Variants in NEK7 observed in about 807,000 individuals in gnomAD.
NEK7 encodes the protein NIMA related kinase 7.
Under a neutral mutation model 44.6 loss-of-function variants are expected in NEK7, and 18 were observed. The observed-to-expected ratio is 0.40, with a 90% CI of 0.28 to 0.60. The LOEUF is 0.60. Among genes scored for constraint, NEK7 ranks in the 20% least tolerant of loss-of-function variants. The pLI is 0.38. For synonymous variants in NEK7, 130 were observed against 121.1 expected (o/e 1.07, Z -0.48); for missense variants, 256 against 366.5 (o/e 0.70, Z 2.46).
chr1:198,198,679 C>G (rs920039418), intron 1 of NEK7, among the ~76,000 whole-genome samples: 2 of 152,214 alleles, frequency 1.3e-5, no homozygotes, highest in African/African-American at 4.8e-5. Flanking sequence ...ATTCTCAGCT[C>G]TTTCTGCTTT....
chr1:198,311,789 CA>C (rs1479522376), intron 9 of NEK7, among the ~76,000 whole-genome samples: 1 of 152,070 alleles, frequency 6.6e-6, no homozygotes, highest in Non-Finnish European at 1.5e-5. Context: ...GGATGAAGCC[CA>C]CTTGATCATG....
chr1:198,251,764 C>T (rs1264180747), intron 2 of NEK7, among the ~76,000 whole-genome samples: 1 of 151,876 alleles, frequency 6.6e-6, no homozygotes, highest in East Asian at 1.9e-4. Context: ...ATTCTTCTCT[C>T]TTTTCTTCTT....
rs548805329 is a variant in NEK7 at position 198,316,773 on chromosome 1, T to G, written c.799-2639T>G. 4.6e-5 allele frequency among the ~76,000 whole-genome samples: 7 copies of G among 152,270 alleles called. No homozygotes were observed. In the South Asian group the frequency reaches 1.5e-3, roughly 32 times the overall value. On this transcript the variant is annotated intron_variant, in intron 9 of 9. Transcript: ENST00000367385. Reference sequence around the variant, plus strand: ...ATAATAAATACTCCATTGGAAACTATTGAATGAACAATTGAATGAACGGAT... The same window carrying G: ...ATAATAAATACTCCATTGGAAACTAGTGAATGAACAATTGAATGAACGGAT...
intron 4 of NEK7, among the ~76,000 whole-genome samples, chr1:198,262,842 G>A (rs1277262630): frequency 1.3e-5 from 2 of 151,702 alleles, no homozygotes; most frequent in Non-Finnish European, 3.0e-5. Context: ...AACATTTGTA[G>A]GACCAGCTTT....
At chr1:198,180,198 TG>T (rs927903306) in intron 1 of NEK7, among the ~76,000 whole-genome samples, 3 of 150,496 alleles carry the variant, frequency 2.0e-5, no homozygotes, top group African/African-American at 7.3e-5. Flanking sequence ...TTTTTTTTGG[TG>T]GGGGGGTGCT....
chr1:198,181,847 C>A (rs1260649448), intron 1 of NEK7, among the ~76,000 whole-genome samples: 1 of 151,932 alleles, frequency 6.6e-6, no homozygotes, highest in African/African-American at 2.4e-5. Context: ...CAGAGTAAAG[C>A]AAATCATTTC....
At chr1:198,182,091 A>G (rs1259681911) in intron 1 of NEK7, among the ~76,000 whole-genome samples, 2 of 152,126 alleles carry the variant, frequency 1.3e-5, no homozygotes. Flanking sequence ...AATAATAAAA[A>G]AGGTAGGCAA....
chr1:198,194,972 C>T (rs955871606), intron 1 of NEK7, among the ~76,000 whole-genome samples: 5 of 152,118 alleles, frequency 3.3e-5, no homozygotes, highest in Non-Finnish European at 7.4e-5. Flanking sequence ...ACCTTGCCAG[C>T]ACCTGTTATT....
intron 1 of NEK7, among the ~76,000 whole-genome samples, chr1:198,179,709 T>C (rs770224512): frequency 9.9e-5 from 15 of 152,108 alleles, no homozygotes; most frequent in Admixed American, 2.6e-4. Flanking sequence ...TATCCTTCAA[T>C]TGTGGCTTTA....
rs575724620 is a variant in NEK7 at position 198,256,362 on chromosome 1, G to A, written c.198+3182G>A. On this transcript the variant is annotated intron_variant, in intron 3 of 9. Transcript: ENST00000367385. ...TTACCTGTATGGGAAAGAAGAGTGT[G>A]TGCGCTAAATGCATGTTACTTCTTG... is the stretch of plus-strand genomic sequence containing the variant. The A allele has an allele frequency of 1.4e-5, 22 of 1,611,722 alleles. No individual in the cohort carries two copies. In the East Asian group the frequency reaches 4.5e-4, roughly 33 times the overall value.
intron 1 of NEK7, among the ~76,000 whole-genome samples, chr1:198,228,010 T>A (rs1666278807): frequency 1.3e-5 from 2 of 152,214 alleles, no homozygotes; most frequent in South Asian, 4.1e-4. Context: ...AGGTCTAACA[T>A]TTAAGTCTTT....
chr1:198,299,851 TG>T, intron 9 of NEK7, among the ~76,000 whole-genome samples: 1 of 152,174 alleles, frequency 6.6e-6, no homozygotes, highest in South Asian at 2.1e-4. Context: ...TTTAAAAGCT[TG>T]GGATTTTTCT....
intron 1 of NEK7, among the ~76,000 whole-genome samples, chr1:198,180,394 T>A (rs960618207): frequency 1.3e-5 from 2 of 152,072 alleles, no homozygotes; most frequent in African/African-American, 4.8e-5. Flanking sequence ...TATAGCTAGA[T>A]GAAAATATGA....
chr1:198,255,054 G>A (rs1178555085), intron 3 of NEK7, among the ~76,000 whole-genome samples: 1 of 152,078 alleles, frequency 6.6e-6, no homozygotes. Flanking sequence ...TAAACCCTGT[G>A]GCATGGGTTC....
At chr1:198,176,293 A>C (rs1433469276) in intron 1 of NEK7, among the ~76,000 whole-genome samples, 1 of 152,186 alleles carries the variant, frequency 6.6e-6, no homozygotes, top group Non-Finnish European at 1.5e-5. Flanking sequence ...AATACATGAG[A>C]CAAATGCTTA....
At chr1:198,165,675 T>A (rs1164683694) in intron 1 of NEK7, among the ~76,000 whole-genome samples, 1 of 152,200 alleles carries the variant, frequency 6.6e-6, no homozygotes, top group Non-Finnish European at 1.5e-5. Context: ...TTTAGCATAA[T>A]TCTTAAGGGC....
chr1:198,220,595 A>C (rs79508957), intron 1 of NEK7, among the ~76,000 whole-genome samples: 1,533 of 152,138 alleles, frequency 0.01, 24 homozygotes, highest in African/African-American at 0.035. Flanking sequence ...TCGACATGTC[A>C]CTTGCTTGAT....
chr1:198,301,357 T>C (rs537785228), intron 9 of NEK7, among the ~76,000 whole-genome samples: 5 of 151,972 alleles, frequency 3.3e-5, no homozygotes, highest in Admixed American at 1.3e-4. Flanking sequence ...GAGACCATCC[T>C]GGCTAACACG....
rs1384035478 is a variant in NEK7, at chr1:198,232,645, A to G, written c.57+8A>G. On this transcript the variant is annotated splice_region_variant and intron_variant, in intron 2 of 9. Transcript: ENST00000367385. The stretch of plus-strand genomic sequence containing the variant: ...CCTCAGTTCCAACCACAGGTAATTT[A>G]TCCTAATTAAGATGGGCAGAACTAT... 6.5e-7 allele frequency: 1 copy of G among 1,541,712 alleles called. No homozygotes were observed. Among genetic ancestry groups the G allele is most frequent in the East Asian group, 2.3e-5 (1 of 44,356 alleles).
Sources: allele counts gnomAD v4.1 joint callset (sites outside exome capture counted in the v4.1 genomes callset), GRCh38; gene constraint gnomAD v4.1.1; transcripts MANE v1.5; gene names NCBI Gene and HGNC (gene_info 2026-07-23, HGNC 2026-07-21).